The following MYO18B variants were observed in gnomAD, a reference collection of about 807,000 sequenced individuals.
MYO18B encodes the protein myosin XVIIIB.
In MYO18B, 204 loss-of-function variants were observed where a neutral mutation model predicts 273.0. That is an observed-to-expected ratio of 0.75 (90% CI 0.67 to 0.84). MYO18B has a LOEUF of 0.84. Ranked by LOEUF, MYO18B falls within the 40% of genes least tolerant of loss-of-function variation. The pLI is 0.00. For synonymous variants in MYO18B, 1,330 were observed against 1,305.7 expected, an observed-to-expected ratio of 1.02 and a Z score of -0.40; for missense variants, 3,212 against 3,287.6, an observed-to-expected ratio of 0.98 and a Z score of 0.56.
At chr22:25,902,456 C>T (rs966510089) in intron 29 of MYO18B, among the ~76,000 whole-genome samples, 157 bp from the exon 30 acceptor site, 4 of 152,222 alleles carry the variant, frequency 2.6e-5, no homozygotes, top group Non-Finnish European at 5.9e-5. Flanking sequence ...AAACTTCCAA[C>T]TTCTCATACT....
At chr22:25,973,148 G>A (rs1277181542) in intron 39 of MYO18B, among the ~76,000 whole-genome samples, 1 of 152,092 alleles carries the variant, frequency 6.6e-6, no homozygotes, top group African/African-American at 2.4e-5. Flanking sequence ...TGCTTCCAGT[G>A]TGGGGTCCAG....
intron 33 of MYO18B, among the ~76,000 whole-genome samples, chr22:25,911,573 C>G (rs1424637718): frequency 6.6e-6 from 1 of 152,198 alleles, no homozygotes. Context: ...TCAGTGTACA[C>G]CAGGGTCCTC....
intron 34 of MYO18B, among the ~76,000 whole-genome samples, chr22:25,932,737 G>T (rs1045766318): frequency 1.1e-4 from 17 of 152,164 alleles, no homozygotes; most frequent in Admixed American, 2.6e-4. Context: ...CCAGGAGTTG[G>T]CAAACTAGGG....
At chr22:25,950,707 G>T (rs2146621686) in intron 37 of MYO18B, among the ~76,000 whole-genome samples, 1 of 152,206 alleles carries the variant, frequency 6.6e-6, no homozygotes, top group South Asian at 2.1e-4. Context: ...AAGTAGCTGG[G>T]ATTACAGACA....
chr22:25,918,642 C>G (rs1389946119), intron 33 of MYO18B, among the ~76,000 whole-genome samples: 2 of 152,332 alleles, frequency 1.3e-5, no homozygotes, highest in East Asian at 3.9e-4. Context: ...CAGGGCCTTT[C>G]AGGCAGTGAA....
At chr22:26,029,418 T>A (rs1429970912) in intron 43 of MYO18B, among the ~76,000 whole-genome samples, 4 of 152,158 alleles carry the variant, frequency 2.6e-5, no homozygotes, top group Non-Finnish European at 5.9e-5. Context: ...TAATTTGACT[T>A]AACATGGCCT....
intron 31 of MYO18B, among the ~76,000 whole-genome samples, chr22:25,906,067 T>C (rs2092036037): frequency 1.3e-5 from 2 of 152,222 alleles, no homozygotes. Context: ...TGCCTGAATT[T>C]CCATGCTCAG....
chr22:25,992,271 G>A, intron 39 of MYO18B, 92 bp from the exon 40 acceptor site: 1 of 1,521,722 alleles, frequency 6.6e-7, no homozygotes, highest in Non-Finnish European at 9.0e-7. Context: ...TGAACACTAG[G>A]CTCAGCCTGG....
At position 25,917,805 on chromosome 22, in the gene MYO18B, A is replaced by G. The variant is rs748581140; in HGVS notation, c.5365-3452A>G. ...TGTTTTCTATGTTCTCTTTTGACCTATTGATTCAGAAGCTATAAACTCTAT... is the reference window on the plus strand; with the variant it reads ...TGTTTTCTATGTTCTCTTTTGACCTGTTGATTCAGAAGCTATAAACTCTAT... On this transcript the variant is annotated intron_variant, in intron 33 of 43. Coordinates refer to ENST00000335473, the MANE Select transcript of MYO18B (RefSeq NM_032608.7). 5.9e-5 allele frequency among the ~76,000 whole-genome samples: 9 copies of G among 152,048 alleles called. No homozygotes were observed. The East Asian group carries it at 1.3e-3, about 23-fold the overall frequency.
the MYO18B span, among the ~76,000 whole-genome samples, chr22:26,038,761 C>T: frequency 6.6e-6 from 1 of 152,166 alleles, no homozygotes; most frequent in East Asian, 1.9e-4. Flanking sequence ...CTTGGTAATG[C>T]GTGACTGACC....
intron 17 of MYO18B, among the ~76,000 whole-genome samples, chr22:25,841,577 T>C (rs932478795): frequency 7.2e-5 from 11 of 151,800 alleles, no homozygotes; most frequent in African/African-American, 2.7e-4. Context: ...GTCTCTGAAC[T>C]TCAGTGTCAT....
chr22:25,764,403 T>A (rs12628806), intron 3 of MYO18B, among the ~76,000 whole-genome samples: 30,867 of 152,070 alleles, frequency 0.2, 3,934 homozygotes, highest in African/African-American at 0.34. Flanking sequence ...TCTCTTTGTG[T>A]CTCCAGCGCC....
chr22:25,953,334 G>T (rs1205222220), intron 38 of MYO18B, among the ~76,000 whole-genome samples: 1 of 152,202 alleles, frequency 6.6e-6, no homozygotes, highest in Non-Finnish European at 1.5e-5. Context: ...CAAGTGACTT[G>T]CTGAAGATAA....
At chr22:25,891,169 A>G (rs2091651903) in intron 26 of MYO18B, 135 bp from the exon 27 acceptor site, 2 of 737,564 alleles carry the variant, frequency 2.7e-6, no homozygotes, top group Non-Finnish European at 2.2e-6. Context: ...TGGCTAGCCC[A>G]TGGTCCTGGA....
chr22:25,894,088 A>G (rs2301500), intron 27 of MYO18B, among the ~76,000 whole-genome samples: 16,204 of 152,206 alleles, frequency 0.11, 1,226 homozygotes, highest in East Asian at 0.25. Flanking sequence ...GCATTATAGC[A>G]TATTCTAGGA....
intron 29 of MYO18B, 140 bp downstream of exon 29, chr22:25,898,601 C>A: frequency 1.2e-6 from 1 of 843,494 alleles, no homozygotes; most frequent in Non-Finnish European, 1.8e-6. Context: ...TGTCCCGTCA[C>A]ACCTTATTCC....
chr22:26,041,934 T>C, the MYO18B span, among the ~76,000 whole-genome samples: 9 of 152,212 alleles, frequency 5.9e-5, no homozygotes, highest in Non-Finnish European at 1.2e-4. Context: ...TTCCCTGGGC[T>C]TCCTCTCAGT....
chr22:25,752,215 T>C (rs918067309), intron 1 of MYO18B, among the ~76,000 whole-genome samples: 2 of 148,426 alleles, frequency 1.3e-5, no homozygotes, highest in Non-Finnish European at 1.5e-5. Flanking sequence ...TGAGACGGAG[T>C]CTCGCTCTGT....
At chr22:25,976,801 C>G (rs554399925) in intron 39 of MYO18B, among the ~76,000 whole-genome samples, 1 of 152,034 alleles carries the variant, frequency 6.6e-6, no homozygotes, top group African/African-American at 2.4e-5. Context: ...TTGATTTGCC[C>G]GAGAGGGATT....
Sources: allele counts gnomAD v4.1 joint callset (sites outside exome capture counted in the v4.1 genomes callset), GRCh38; gene constraint gnomAD v4.1.1; transcripts MANE v1.5; gene names NCBI Gene and HGNC (gene_info 2026-07-23, HGNC 2026-07-21).